TNR: variants seen among roughly 807,000 people sequenced by gnomAD.
TNR encodes the protein tenascin-R.
A neutral mutation model predicts 150.4 loss-of-function variants in TNR; 45 were observed. The ratio of observed to expected loss-of-function variants is 0.30; its 90% CI spans 0.24 to 0.38. The LOEUF (loss-of-function observed/expected upper bound fraction) is 0.38, where lower values mean the gene tolerates loss of function less well. Ranked by LOEUF, TNR falls within the 10% of genes least tolerant of loss-of-function variation. The pLI is 1.00. For synonymous variants in TNR, 687 were observed against 678.4 expected, an observed-to-expected ratio of 1.01 and a Z score of -0.20; for missense variants, 1,544 against 1,759.1, an observed-to-expected ratio of 0.88 and a Z score of 2.19.
At chr1:175,462,519 C>T (rs1305914970) in intron 2 of TNR, among the ~76,000 whole-genome samples, 7 of 152,186 alleles carry the variant, frequency 4.6e-5, no homozygotes, top group African/African-American at 1.7e-4. Flanking sequence ...TCATTATGCA[C>T]AATTTAATAA....
At chr1:175,711,622 G>C (rs12042335) in intron 1 of TNR, among the ~76,000 whole-genome samples, 12,994 of 152,218 alleles carry the variant, frequency 0.085, 667 homozygotes, top group East Asian at 0.17. Flanking sequence ...TGGGGAGAAG[G>C]CTAGTGCAGT....
intron 2 of TNR, among the ~76,000 whole-genome samples, chr1:175,459,167 A>T (rs76779386): frequency 0.081 from 12,281 of 151,484 alleles, 607 homozygotes; most frequent in African/African-American, 0.14. Flanking sequence ...CAACACTATT[A>T]TCATGACCTC....
chr1:175,390,726 C>T (rs1172684220), intron 7 of TNR, among the ~76,000 whole-genome samples: 1 of 152,214 alleles, frequency 6.6e-6, no homozygotes, highest in Admixed American at 6.5e-5. Context: ...ACCACTTTCA[C>T]TTCTGAGTAT....
At chr1:175,428,335 C>T (rs1026551122) in intron 2 of TNR, among the ~76,000 whole-genome samples, 2 of 152,182 alleles carry the variant, frequency 1.3e-5, no homozygotes, top group African/African-American at 4.8e-5. Context: ...ATCTCCTACT[C>T]ATGGCGTAAA....
chr1:175,644,047 C>G (rs928097891), intron 1 of TNR, among the ~76,000 whole-genome samples: 6 of 152,172 alleles, frequency 3.9e-5, no homozygotes, highest in Non-Finnish European at 5.9e-5. Flanking sequence ...TCCTCAAGAA[C>G]ATTATTACTT....
At chr1:175,530,721 TC>T (rs1238753829) in intron 1 of TNR, among the ~76,000 whole-genome samples, 1 of 113,634 alleles carries the variant, frequency 8.8e-6, no homozygotes, top group Non-Finnish European at 2.0e-5. Flanking sequence ...TAGTGCACTC[TC>T]TTTTTTTTTT....
chr1:175,720,974 C>T lies in TNR; in HGVS notation c.-165+22252G>A, dbSNP rs910843264. 4.6e-5 allele frequency among the ~76,000 whole-genome samples: 7 copies of T among 152,228 alleles called. No homozygotes were observed. The South Asian group carries it at 1.4e-3, about 32-fold the overall frequency. ...AGGGCTTAGCAATCATCTTGCCCAACCCTCTCATTTTTCAGATGGAGGAAG... is the reference window on the plus strand; with the variant it reads ...AGGGCTTAGCAATCATCTTGCCCAATCCTCTCATTTTTCAGATGGAGGAAG... On this transcript the variant is annotated intron_variant, in intron 1 of 22. Transcript: ENST00000367674.
chr1:175,502,183 C>T (rs905228620), intron 2 of TNR, among the ~76,000 whole-genome samples: 4 of 152,118 alleles, frequency 2.6e-5, no homozygotes, highest in Admixed American at 1.3e-4. Context: ...GGGAGTCTAA[C>T]TCAAATGGTA....
At position 175,386,321 on chromosome 1, in the gene TNR, C is replaced by A; in HGVS notation, c.1508-20G>T. On this transcript the variant is annotated intron_variant, in intron 7 of 22. Coordinates refer to ENST00000367674, the MANE Select transcript of TNR (RefSeq NM_003285.3). ...CAATGACTGAGTGAGAAGGATCAAA[C>A]AGAACAAAAAGTTTGAATGAGAAAT... 1 of 1,520,130 alleles carries A rather than the reference C, an allele frequency of 6.6e-7. No individual in the cohort carries two copies. 94.2% of individuals were successfully genotyped at this position (1,520,130 alleles called of 1,614,324 possible). A position where few individuals can be genotyped will look rare whatever the true frequency, so the allele number is the denominator to read the frequency against.
At chr1:175,483,133 T>G (rs1657873749) in intron 2 of TNR, among the ~76,000 whole-genome samples, 1 of 152,132 alleles carries the variant, frequency 6.6e-6, no homozygotes, top group Non-Finnish European at 1.5e-5. Flanking sequence ...GGTAAACAGA[T>G]GAATGAACAG....
intron 8 of TNR, among the ~76,000 whole-genome samples, 193 bp downstream of exon 8, chr1:175,385,839 C>T (rs985665858): frequency 3.9e-5 from 6 of 152,172 alleles, no homozygotes; most frequent in African/African-American, 1.4e-4. Context: ...GCTAGTTTTC[C>T]TCTCCTAGTG....
chr1:175,670,789 C>T (rs898884650), intron 1 of TNR, among the ~76,000 whole-genome samples: 2 of 151,922 alleles, frequency 1.3e-5, no homozygotes, highest in African/African-American at 2.4e-5. Flanking sequence ...TCGGATGGAC[C>T]TAAAAATGTG....
At position 175,365,870 on chromosome 1, in the gene TNR, G is replaced by T; in HGVS notation, c.2317+5C>A. The T allele has an allele frequency of 6.2e-7, 1 of 1,612,800 alleles. No homozygotes were observed. The highest frequency in any genetic ancestry group is 1.1e-5 in the South Asian group (1 of 90,890). ...ACCTGGCTGGGATTTCTGCTGCTCT[G>T]GTACCTGTGAAAGCATCCACAGTGG... is the stretch of plus-strand genomic sequence containing the variant. On this transcript the variant is annotated splice_donor_5th_base_variant and intron_variant, in intron 11 of 22. Transcript: ENST00000367674.
chr1:175,666,945 G>T (rs1482264219), intron 1 of TNR, among the ~76,000 whole-genome samples: 1 of 152,066 alleles, frequency 6.6e-6, no homozygotes, highest in Non-Finnish European at 1.5e-5. Context: ...TAGAGACAGG[G>T]TCTTACTATA....
intron 10 of TNR, among the ~76,000 whole-genome samples, chr1:175,366,857 G>A (rs1204320036): frequency 3.9e-5 from 6 of 152,192 alleles, no homozygotes; most frequent in South Asian, 2.1e-4. Flanking sequence ...TGTATGCAGG[G>A]CGAGGATGCC....
chr1:175,406,518 T>C lies in TNR; in HGVS notation c.197A>G (p.Asn66Ser). ...GGGCACGTTAATGTTGTACACGTGG[T>C]TGAAGACCACAGGCTGCTCTTTGCT... ...TSSKEQPVVF[N>S]HVYNINVPLD... Residue 66 changes from asparagine to serine, a missense_variant, in exon 3 of 23, where the codon AAC becomes AGC. This residue lies in a region of TNR where 1,254 missense variants were observed against 1,329.4 expected (regional missense o/e 0.94). Transcript: ENST00000367674. 2 of 1,614,194 alleles carry C rather than the reference T, an allele frequency of 1.2e-6. No individual in the cohort carries two copies. Among genetic ancestry groups the C allele is most frequent in the South Asian group, 1.1e-5 (1 of 91,086 alleles).
chr1:175,337,727 T>C, intron 18 of TNR, 48 bp from the exon 19 acceptor site: 2 of 1,600,082 alleles, frequency 1.2e-6, no homozygotes, highest in Non-Finnish European at 1.7e-6. Context: ...TCTCTCACAG[T>C]GCACAAGAGC....
At position 175,376,228 on chromosome 1, in the gene TNR, T is replaced by A. The variant is rs372756318; in HGVS notation, c.1963+3324A>T. Among the ~76,000 whole-genome samples the A allele has an allele frequency of 3.9e-5, 6 of 152,216 alleles. No individual in the cohort carries two copies. In the South Asian group the frequency reaches 1.0e-3, roughly 26 times the overall value. The stretch of plus-strand genomic sequence containing the variant: ...AGGCCACATGGACTAAAGGAGGACA[T>A]CCTAAACCATCCAGTAGCTCACAGA... On this transcript the variant is annotated intron_variant, in intron 9 of 22. Transcript: ENST00000367674.
At chr1:175,350,729 C>G (rs750532786) in intron 18 of TNR, among the ~76,000 whole-genome samples, 5 of 152,120 alleles carry the variant, frequency 3.3e-5, no homozygotes, top group Non-Finnish European at 5.9e-5. Flanking sequence ...CAGTTCTTTT[C>G]TTTTCTTCTC....
Sources: allele counts gnomAD v4.1 joint callset (sites outside exome capture counted in the v4.1 genomes callset), GRCh38; gene constraint gnomAD v4.1.1; regional missense constraint gnomAD v4.1.1; transcripts MANE v1.5; gene names NCBI Gene and HGNC (gene_info 2026-07-23, HGNC 2026-07-21).